The following BTBD7 variants were observed in gnomAD, a reference collection of about 807,000 sequenced individuals.
BTBD7 encodes BTB domain containing 7, also known as BTB/POZ domain-containing protein 7.
Under a neutral mutation model 99.9 loss-of-function variants are expected in BTBD7, and 38 were observed. That is an observed-to-expected ratio of 0.38 (90% confidence interval 0.29 to 0.50). The LOEUF (loss-of-function observed/expected upper bound fraction) is 0.50. Ranked by LOEUF, BTBD7 falls within the 20% of genes least tolerant of loss-of-function variation. The probability of loss-of-function intolerance (pLI) is 0.93; values close to 1 mark genes in which losing one functional copy is unlikely to be tolerated. For missense variants in BTBD7, 1,170 were observed against 1,394.6 expected, an observed-to-expected ratio of 0.84 and a Z score of 2.57; for synonymous variants, 520 against 511.4, an observed-to-expected ratio of 1.02 and a Z score of -0.23.
At chr14:93,249,441 T>C (rs1266688495) in intron 8 of BTBD7, among the ~76,000 whole-genome samples, 2 of 152,056 alleles carry the variant, frequency 1.3e-5, no homozygotes, top group African/African-American at 4.8e-5. Context: ...TGGCAGATCA[T>C]GGATAAAGAA....
At chr14:93,321,595 ACAAACAAG>A (rs2139823570) in intron 1 of BTBD7, among the ~76,000 whole-genome samples, 1 of 152,310 alleles carries the variant, frequency 6.6e-6, no homozygotes, top group Admixed American at 6.5e-5. Flanking sequence ...TCCGTCACAA[ACAAACAAG>A]CAAACAATAC....
At position 93,241,148 on chromosome 14, in the gene BTBD7, C is replaced by CT. The variant is rs36076608; in HGVS notation, c.*1124dup. ...TAAGTTACTTCTCTATTTCCACTGCCTTTTTTTTTTTTTTTGAGACAGGGT... is the reference window on the plus strand; with the variant it reads ...TAAGTTACTTCTCTATTTCCACTGCCTTTTTTTTTTTTTTTTGAGACAGGGT... On this transcript the variant is annotated 3_prime_UTR_variant, in exon 11 of 11. Transcript: ENST00000334746. The CT allele has an allele frequency of 0.081, 11,306 of 139,794 alleles. 1,464 individuals carry two copies. Among genetic ancestry groups the CT allele is most frequent in the African/African-American group, 0.28 (10,453 of 37,808 alleles). 8.7% of individuals were successfully genotyped at this position (139,794 alleles called of 1,614,324 possible). A position where few individuals can be genotyped will look rare whatever the true frequency, so the allele number is the denominator to read the frequency against.
At chr14:93,264,869 G>A (rs1241033149) in intron 3 of BTBD7, among the ~76,000 whole-genome samples, 1 of 152,206 alleles carries the variant, frequency 6.6e-6, no homozygotes, top group African/African-American at 2.4e-5. Flanking sequence ...GGGAGTCCAA[G>A]GCGGGCAGAT....
At chr14:93,271,780 G>A (rs907556098) in intron 3 of BTBD7, among the ~76,000 whole-genome samples, 4 of 152,012 alleles carry the variant, frequency 2.6e-5, no homozygotes, top group East Asian at 1.9e-4. Context: ...CAAGACGGGC[G>A]GATCGTTTGG....
chr14:93,245,959 A>C lies in BTBD7; in HGVS notation c.2449T>G (p.Leu817Val). The change falls in exon 10 of 11, where the codon TTG becomes GTG. Residue 817 changes from leucine to valine, a missense_variant. Physicochemically the swap from Leu to Val is conservative, Grantham distance 32. Transcript: ENST00000334746. ...APKAGPPPVY[L>V]PSVKAAPPDC... The stretch of plus-strand genomic sequence containing the variant: ...GGCGGTGCAGCTTTCACACTCGGCA[A>C]GTAGACTGGGGGAGGGCCAGCTTTA... The C allele has an allele frequency of 6.2e-7, 1 of 1,614,188 alleles. No homozygotes were observed. Among genetic ancestry groups the C allele is most frequent in the Non-Finnish European group, 8.5e-7 (1 of 1,180,042 alleles).
intron 1 of BTBD7, among the ~76,000 whole-genome samples, chr14:93,303,007 T>C (rs2053023191): frequency 2.0e-5 from 3 of 152,094 alleles, no homozygotes; most frequent in African/African-American, 7.2e-5. Context: ...AGCAAGATCC[T>C]ATCTCAAAAA....
intron 3 of BTBD7, among the ~76,000 whole-genome samples, chr14:93,267,298 T>C (rs914823918): frequency 1.3e-5 from 2 of 152,248 alleles, no homozygotes; most frequent in Non-Finnish European, 2.9e-5. Context: ...CTTGAAATCC[T>C]AGCGCTGCCA....
At chr14:93,273,354 C>T (rs1305508029) in intron 3 of BTBD7, among the ~76,000 whole-genome samples, 1 of 152,204 alleles carries the variant, frequency 6.6e-6, no homozygotes. Context: ...GGTTAGCCAA[C>T]CCTTAAATCT....
chr14:93,298,043 ATTTC>A (rs1257076710), intron 1 of BTBD7, among the ~76,000 whole-genome samples: 1 of 146,522 alleles, frequency 6.8e-6, no homozygotes, highest in African/African-American at 2.4e-5. Context: ...TTCGATTATT[ATTTC>A]TTTTTTTTGT....
At chr14:93,311,854 T>C (rs1198067397) in intron 1 of BTBD7, among the ~76,000 whole-genome samples, 4 of 152,066 alleles carry the variant, frequency 2.6e-5, no homozygotes, top group Non-Finnish European at 4.4e-5. Context: ...TCTGTGTGAT[T>C]ATATAACCAA....
At chr14:93,295,910 C>T (rs933051500) in intron 2 of BTBD7, 60 bp downstream of exon 2, 17 of 1,525,748 alleles carry the variant, frequency 1.1e-5, no homozygotes, top group South Asian at 8.0e-5. Context: ...CAGAGACTAC[C>T]GAAAACACAA....
intron 5 of BTBD7, among the ~76,000 whole-genome samples, chr14:93,259,351 A>G (rs2052463999): frequency 6.6e-6 from 1 of 152,166 alleles, no homozygotes; most frequent in African/African-American, 2.4e-5. Context: ...ACTAGACAGC[A>G]CTTCAGTACT....
At chr14:93,319,061 G>A (rs993587803) in intron 1 of BTBD7, among the ~76,000 whole-genome samples, 5 of 152,116 alleles carry the variant, frequency 3.3e-5, no homozygotes, top group South Asian at 2.1e-4. Flanking sequence ...AGAAAAATTC[G>A]CCAAGTGTGA....
At chr14:93,245,248 C>T (rs1055166808) in intron 10 of BTBD7, among the ~76,000 whole-genome samples, 1 of 152,056 alleles carries the variant, frequency 6.6e-6, no homozygotes, top group Non-Finnish European at 1.5e-5. Context: ...TATCAATTTA[C>T]TACCTACTAG....
chr14:93,258,563 T>C (rs766758483), intron 5 of BTBD7, among the ~76,000 whole-genome samples: 14 of 152,052 alleles, frequency 9.2e-5, no homozygotes, highest in Non-Finnish European at 1.8e-4. Context: ...TAACCCAGTG[T>C]GGAAACTACC....
At chr14:93,247,544 C>T (rs2052327025) in intron 9 of BTBD7, among the ~76,000 whole-genome samples, 1 of 152,174 alleles carries the variant, frequency 6.6e-6, no homozygotes, top group African/African-American at 2.4e-5. Flanking sequence ...CAGGGTTTCA[C>T]CATGTTGGCA....
chr14:93,330,021 T>C (rs1485354119), intron 1 of BTBD7, among the ~76,000 whole-genome samples: 3 of 152,236 alleles, frequency 2.0e-5, no homozygotes, highest in Non-Finnish European at 4.4e-5. Flanking sequence ...CTACTGACTT[T>C]ATCCGGGTCT....
At position 93,245,969 on chromosome 14, in the gene BTBD7, G is replaced by C. The variant is rs1395264838; in HGVS notation, c.2439C>G (p.Pro813=). The change falls in exon 10 of 11, where the codon CCC becomes CCG. Residue 813 remains proline (P), a synonymous_variant. Transcript: ENST00000334746. ...CTTTCACACTCGGCAAGTAGACTGG[G>C]GGAGGGCCAGCTTTAGGAGCTGTTC... The part of the protein sequence containing the change: ...HSRTAPKAGP[P]PVYLPSVKAA... 3 of 1,614,018 alleles carry C rather than the reference G, an allele frequency of 1.9e-6. No homozygotes were observed. The highest frequency in any genetic ancestry group is 2.5e-6 in the Non-Finnish European group (3 of 1,180,042).
Position 93,296,029 on chromosome 14 carries a change from T to C in BTBD7, c.23A>G (p.Tyr8Cys). The C allele has an allele frequency of 6.2e-7, 1 of 1,614,084 alleles. No homozygotes were observed. Among genetic ancestry groups the C allele is most frequent in the South Asian group, 1.1e-5 (1 of 91,070 alleles). ...TACCCTCGGGGAACATGAATGAGGATAATTAGATGCATTAGCACCCATTTT... is the reference window on the plus strand; with the variant it reads ...TACCCTCGGGGAACATGAATGAGGACAATTAGATGCATTAGCACCCATTTT... Reference protein sequence around the residue: MGANASNYPHSCSPRVGG... With the variant: MGANASNCPHSCSPRVGG... The change falls in exon 2 of 11, where the codon TAT becomes TGT. Residue 8 changes from tyrosine (Y) to cysteine (C), a missense_variant. Around this residue, in one of 4 missense-constraint regions of BTBD7, gnomAD observed 359 missense variants for 497.9 expected, o/e 0.72. Transcript: ENST00000334746.
Sources: allele counts gnomAD v4.1 joint callset (sites outside exome capture counted in the v4.1 genomes callset), GRCh38; gene constraint gnomAD v4.1.1; regional missense constraint gnomAD v4.1.1; transcripts MANE v1.5; gene names NCBI Gene and HGNC (gene_info 2026-07-23, HGNC 2026-07-21).